The following NRXN1 variants were observed in gnomAD, a reference collection of about 807,000 sequenced individuals.
NRXN1 encodes the protein neurexin-1.
Under a neutral mutation model 150.9 loss-of-function variants are expected in NRXN1, and 39 were observed. That is an observed-to-expected ratio of 0.26 (90% confidence interval 0.20 to 0.34). NRXN1 has a LOEUF of 0.34. Ranked by LOEUF, NRXN1 falls within the 10% of genes least tolerant of loss-of-function variation. The pLI is 1.00. For missense variants in NRXN1, 1,815 were observed against 1,949.9 expected (o/e 0.93, Z 1.30); for synonymous variants, 924 against 757.0 (o/e 1.22, Z -3.62).
intron 17 of NRXN1, among the ~76,000 whole-genome samples, chr2:50,239,517 C>A (rs1033695483): frequency 6.7e-6 from 1 of 148,650 alleles, no homozygotes; most frequent in African/African-American, 2.5e-5. Flanking sequence ...AAAATCTTAT[C>A]TACTTATTAT....
chr2:50,636,060 A>G (rs1344453746), intron 5 of NRXN1, among the ~76,000 whole-genome samples: 1 of 152,120 alleles, frequency 6.6e-6, no homozygotes, highest in African/African-American at 2.4e-5. Context: ...CAAATGTTTT[A>G]TTGCCCAGAA....
At chr2:50,627,792 C>G (rs537332781) in intron 5 of NRXN1, among the ~76,000 whole-genome samples, 82 of 151,672 alleles carry the variant, frequency 5.4e-4, no homozygotes, top group African/African-American at 1.9e-3. Flanking sequence ...GTTTATATGA[C>G]CCTCAAATTC....
At chr2:50,483,505 C>T (rs76771445) in intron 15 of NRXN1, among the ~76,000 whole-genome samples, 3,186 of 152,200 alleles carry the variant, frequency 0.021, 120 homozygotes, top group African/African-American at 0.073. Context: ...TCTTGGGTTC[C>T]GGTTCAGGGC....
chr2:50,967,385 T>C (rs1208728487), intron 2 of NRXN1, among the ~76,000 whole-genome samples: 1 of 152,018 alleles, frequency 6.6e-6, no homozygotes, highest in African/African-American at 2.4e-5. Context: ...AATTCCATCA[T>C]CTCATCTGAA....
At chr2:50,022,318 C>G (rs148307075) in intron 21 of NRXN1, among the ~76,000 whole-genome samples, 2,840 of 152,208 alleles carry the variant, frequency 0.019, 42 homozygotes, top group Non-Finnish European at 0.029. Flanking sequence ...ATATTTATTC[C>G]TTATTGTTCC....
chr2:51,013,356 G>A (rs1298535342), intron 2 of NRXN1, among the ~76,000 whole-genome samples: 1 of 151,948 alleles, frequency 6.6e-6, no homozygotes, highest in African/African-American at 2.4e-5. Context: ...GTCACTGGGG[G>A]AAGTAATTCA....
intron 18 of NRXN1, among the ~76,000 whole-genome samples, chr2:50,152,516 C>T (rs573953733): frequency 7.2e-5 from 11 of 151,856 alleles, no homozygotes; most frequent in South Asian, 2.1e-4. Flanking sequence ...CTATGTTTCC[C>T]GCAGCTTTTA....
chr2:50,569,658 C>T (rs1670371448), intron 8 of NRXN1, among the ~76,000 whole-genome samples: 2 of 151,980 alleles, frequency 1.3e-5, no homozygotes, highest in Non-Finnish European at 2.9e-5. Context: ...CGTCTACAGG[C>T]CAAATACAGA....
rs187025803 is a variant in NRXN1, at chr2:50,260,330, G to T, written c.3365-23360C>A. ...TTTGCTTGATATTTCCTAGAAAATT[G>T]TCATATTAAATATGCAACTCCATTG... is the stretch of plus-strand genomic sequence containing the variant. On this transcript the variant is annotated intron_variant, in intron 17 of 22. Coordinates refer to ENST00000401669, the MANE Select transcript of NRXN1 (RefSeq NM_001330078.2). Among the ~76,000 whole-genome samples the T allele has an allele frequency of 5.7e-3, 867 of 151,930 alleles. 10 individuals carry two copies. The highest frequency in any genetic ancestry group is 0.02 in the African/African-American group (834 of 41,528).
At position 50,497,314 on chromosome 2, in the gene NRXN1, T is replaced by G. The variant is rs775390746; in HGVS notation, c.2879+19A>C. On this transcript the variant is annotated intron_variant, in intron 14 of 22. Transcript: ENST00000401669. The stretch of plus-strand genomic sequence containing the variant: ...TTCCAAAGTTTTATTTATTTGCTAT[T>G]GAACAGGCATGTACTCACCCTTTAA... The G allele has an allele frequency of 1.0e-5, 15 of 1,441,932 alleles. No homozygotes were observed. Among genetic ancestry groups the G allele is most frequent in the Non-Finnish European group, 1.2e-5 (13 of 1,097,778 alleles). 89.3% of individuals were successfully genotyped at this position (1,441,932 alleles called of 1,614,324 possible).
intron 5 of NRXN1, among the ~76,000 whole-genome samples, chr2:50,733,666 T>C (rs1698375917): frequency 6.6e-6 from 1 of 152,158 alleles, no homozygotes; most frequent in Admixed American, 6.5e-5. Flanking sequence ...GGGTGGATAA[T>C]TGGCATGATC....
At chr2:50,047,708 C>T (rs929968197) in intron 21 of NRXN1, among the ~76,000 whole-genome samples, 1 of 82,362 alleles carries the variant, frequency 1.2e-5, no homozygotes, top group Non-Finnish European at 2.3e-5. Context: ...CTTCCTTCCT[C>T]TGTTTTTTTT....
chr2:50,446,845 C>G (rs2104495006), intron 17 of NRXN1, among the ~76,000 whole-genome samples: 1 of 152,070 alleles, frequency 6.6e-6, no homozygotes, highest in South Asian at 2.1e-4. Context: ...ATGATTTAAA[C>G]CTGCCAACAA....
At chr2:50,042,426 T>C (rs1271063261) in intron 21 of NRXN1, among the ~76,000 whole-genome samples, 1 of 152,164 alleles carries the variant, frequency 6.6e-6, no homozygotes, top group East Asian at 1.9e-4. Flanking sequence ...AGCATGTGTT[T>C]GCTTCCTCTT....
At chr2:50,754,595 G>C (rs974243877) in intron 5 of NRXN1, among the ~76,000 whole-genome samples, 2 of 151,822 alleles carry the variant, frequency 1.3e-5, no homozygotes, top group African/African-American at 4.8e-5. Flanking sequence ...TATCAGGCTA[G>C]CTTAATCTAA....
chr2:50,180,579 G>C (rs540674961), intron 18 of NRXN1, among the ~76,000 whole-genome samples: 185 of 152,086 alleles, frequency 1.2e-3, no homozygotes, highest in African/African-American at 4.2e-3. Flanking sequence ...TGGGGAGAAG[G>C]GTTCTGCCCC....
chr2:50,609,681 A>G (rs1245143594), intron 8 of NRXN1, among the ~76,000 whole-genome samples: 1 of 150,470 alleles, frequency 6.6e-6, no homozygotes, highest in African/African-American at 2.4e-5. Context: ...ATTTAATGCA[A>G]TGAGTTATCT....
chr2:49,993,048 A>C (rs1184559611), intron 21 of NRXN1, among the ~76,000 whole-genome samples: 2 of 152,064 alleles, frequency 1.3e-5, no homozygotes, highest in Non-Finnish European at 2.9e-5. Context: ...TCCAGCAATC[A>C]CTCTGCTTGG....
At chr2:50,443,643 T>C (rs1215408435) in intron 17 of NRXN1, among the ~76,000 whole-genome samples, 1 of 152,142 alleles carries the variant, frequency 6.6e-6, no homozygotes, top group Non-Finnish European at 1.5e-5. Context: ...GCTTTTATTT[T>C]ATAGAAGGAG....
Sources: gnomAD v4.1 joint callset for allele counts (sites outside exome capture counted in the v4.1 genomes callset) on GRCh38, gnomAD v4.1.1 for gene constraint, MANE v1.5 for transcripts, NCBI Gene and HGNC (gene_info 2026-07-23, HGNC 2026-07-21) for gene names.